PSD3: variants seen among roughly 807,000 people sequenced by gnomAD.
PSD3 encodes the protein pleckstrin and Sec7 domain containing 3, also known as PH and SEC7 domain-containing protein 3.
In PSD3, 49 loss-of-function variants were observed where a neutral mutation model predicts 105.5. The observed-to-expected ratio is 0.46, with a 90% CI of 0.37 to 0.59. The LOEUF (loss-of-function observed/expected upper bound fraction) is 0.59, where lower values mean the gene tolerates loss of function less well. Among genes scored for constraint, PSD3 ranks in the 20% least tolerant of loss-of-function variants. The pLI is 0.00. For missense variants in PSD3, 1,561 were observed against 1,263.8 expected (o/e 1.24, Z -3.57); for synonymous variants, 557 against 457.8 (o/e 1.22, Z -2.77).
Position 18,801,254 on chromosome 8 carries a change from A to AT in PSD3, c.2023+15dup. 6.9e-7 allele frequency: 1 copy of AT among 1,440,266 alleles called. No individual in the cohort carries two copies. The highest frequency in any genetic ancestry group is 1.2e-5 in the South Asian group (1 of 81,658). 89.2% of individuals were successfully genotyped at this position (1,440,266 alleles called of 1,614,324 possible). A position where few individuals can be genotyped will look rare whatever the true frequency, so the allele number is the denominator to read the frequency against. ...ATTGATATAAAAAAGAAATTCAAGG[A>AT]TTTGTATCAGATTACCTTGTGAAGC... is the stretch of plus-strand genomic sequence containing the variant. On this transcript the variant is annotated intron_variant, in intron 7 of 15. Transcript: ENST00000327040.
chr8:18,527,583 C>T lies in PSD3; in HGVS notation c.*8160G>A, dbSNP rs1036245881. 2 of 152,518 alleles carry T rather than the reference C, an allele frequency of 1.3e-5. No individual in the cohort carries two copies. The highest frequency in any genetic ancestry group is 6.6e-5 in the Admixed American group (1 of 15,262). 9.4% of individuals were successfully genotyped at this position (152,518 alleles called of 1,614,324 possible). ...TCTACAAGGTTTAGATTTACTTGAA[C>T]AACAGTGAAATAGGGTAATATTTAT... On this transcript the variant is annotated 3_prime_UTR_variant, in exon 16 of 16. Transcript: ENST00000327040.
chr8:18,593,277 G>C (rs1241993264), intron 12 of PSD3, among the ~76,000 whole-genome samples: 1 of 152,134 alleles, frequency 6.6e-6, no homozygotes, highest in Non-Finnish European at 1.5e-5. Flanking sequence ...AAATTTACAA[G>C]AAATAAACAA....
At position 18,808,848 on chromosome 8, in the gene PSD3, A is replaced by T; in HGVS notation, c.1635-3950T>A. 3 of 1,605,948 alleles carry T rather than the reference A, an allele frequency of 1.9e-6. No individual in the cohort carries two copies. In the East Asian group the frequency reaches 6.7e-5, roughly 36 times the overall value. On this transcript the variant is annotated intron_variant, in intron 4 of 15. Transcript: ENST00000327040. Reference sequence around the variant, plus strand: ...TCCGAAGCCCCGTCCAGTATTCTTCAGCTCCCAAGTTCAGTGACTGCCGAG... The same window carrying T: ...TCCGAAGCCCCGTCCAGTATTCTTCTGCTCCCAAGTTCAGTGACTGCCGAG...
In PSD3 at chr8:18,790,801, A is replaced by G. The variant is rs1292780028; in HGVS notation, c.2082+8494T>C. ...CTGCAGGGATGACGGCCTTGGGGCC[A>G]CTGTGTCTGGGAAGCTCCAAGTCAG... On this transcript the variant is annotated intron_variant, in intron 8 of 15. Coordinates refer to ENST00000327040, the MANE Select transcript of PSD3 (RefSeq NM_015310.4). 2.6e-5 allele frequency among the ~76,000 whole-genome samples: 4 copies of G among 151,912 alleles called. No individual in the cohort carries two copies. The East Asian group carries it at 5.8e-4, about 22-fold the overall frequency.
intron 2 of PSD3, among the ~76,000 whole-genome samples, chr8:18,893,803 C>A (rs923463348): frequency 1.3e-5 from 2 of 152,202 alleles, no homozygotes; most frequent in South Asian, 4.1e-4. Flanking sequence ...CACTGGCTCA[C>A]AGGCAACATG....
intron 1 of PSD3, among the ~76,000 whole-genome samples, chr8:19,006,069 C>T (rs1347839296): frequency 2.0e-5 from 3 of 151,528 alleles, no homozygotes; most frequent in East Asian, 3.9e-4. Context: ...CCGAGGCAGG[C>T]GAATCATGAC....
intron 2 of PSD3, among the ~76,000 whole-genome samples, chr8:18,903,309 T>C (rs1226076286): frequency 6.6e-6 from 1 of 152,032 alleles, no homozygotes; most frequent in African/African-American, 2.4e-5. Flanking sequence ...CACCTTGTGG[T>C]AGTGACTCTA....
intron 8 of PSD3, among the ~76,000 whole-genome samples, chr8:18,791,662 G>A (rs1432359682): frequency 6.6e-6 from 1 of 152,080 alleles, no homozygotes; most frequent in Non-Finnish European, 1.5e-5. Flanking sequence ...TCTGCACACA[G>A]ACATGGGCAA....
chr8:18,875,546 T>C (rs1817675769), intron 2 of PSD3, among the ~76,000 whole-genome samples: 2 of 152,074 alleles, frequency 1.3e-5, no homozygotes, highest in Non-Finnish European at 2.9e-5. Context: ...TAGAACTTTT[T>C]TTTTTTTTGA....
chr8:18,927,743 A>T (rs1821465200), intron 2 of PSD3, among the ~76,000 whole-genome samples: 1 of 152,176 alleles, frequency 6.6e-6, no homozygotes, highest in Non-Finnish European at 1.5e-5. Context: ...CCCGTCCTGA[A>T]GCTACCTAGG....
intron 2 of PSD3, among the ~76,000 whole-genome samples, chr8:18,935,417 T>G (rs1213725458): frequency 2.0e-5 from 3 of 151,756 alleles, no homozygotes; most frequent in African/African-American, 7.3e-5. Context: ...GGCTCACATC[T>G]GTAAACTCAG....
intron 1 of PSD3, among the ~76,000 whole-genome samples, chr8:19,029,044 T>A (rs1827666195): frequency 6.6e-6 from 1 of 152,214 alleles, no homozygotes; most frequent in South Asian, 2.1e-4. Context: ...CTTACAATAA[T>A]GCAAAGTCTT....
chr8:18,642,499 G>C (rs1412172332), intron 10 of PSD3, among the ~76,000 whole-genome samples: 16 of 151,982 alleles, frequency 1.1e-4, no homozygotes, highest in Non-Finnish European at 2.1e-4. Context: ...CTTAGCAATT[G>C]ATATAGAGGA....
At position 18,893,453 on chromosome 8, in the gene PSD3, G is replaced by A. The variant is rs117359865; in HGVS notation, c.131-20720C>T. ...TCGAGTTGATTTCCAGCTAGCCTTT[G>A]GTTAAATTAGGTTTGTAACTCTAAG... On this transcript the variant is annotated intron_variant, in intron 2 of 15. Coordinates refer to ENST00000327040, the MANE Select transcript of PSD3 (RefSeq NM_015310.4). Among the ~76,000 whole-genome samples the A allele has an allele frequency of 2.7e-4, 41 of 152,134 alleles. 1 individual carries two copies. In the East Asian group the frequency reaches 7.7e-3, roughly 29 times the overall value.
chr8:18,958,824 T>C (rs1823734485), intron 1 of PSD3, among the ~76,000 whole-genome samples: 1 of 152,184 alleles, frequency 6.6e-6, no homozygotes, highest in Non-Finnish European at 1.5e-5. Flanking sequence ...CTTAAAGCAC[T>C]ATTTTAAAAA....
chr8:18,578,837 T>C lies in PSD3; in HGVS notation c.2482-3552A>G, dbSNP rs148181169. ...GCACCATTATTTTAAAAGAGGACTC[T>C]ATTCCAAGGTAGTTTCCTAAACTCT... is the stretch of plus-strand genomic sequence containing the variant. On this transcript the variant is annotated intron_variant, in intron 12 of 15. Coordinates refer to ENST00000327040, the MANE Select transcript of PSD3 (RefSeq NM_015310.4). Among the ~76,000 whole-genome samples the C allele has an allele frequency of 2.8e-3, 430 of 152,166 alleles. 1 individual carries two copies. Among genetic ancestry groups the C allele is most frequent in the African/African-American group, 9.7e-3 (405 of 41,546 alleles).
chr8:18,817,472 T>A (rs1479108489), intron 4 of PSD3, among the ~76,000 whole-genome samples: 1 of 152,206 alleles, frequency 6.6e-6, no homozygotes, highest in Non-Finnish European at 1.5e-5. Context: ...TGAATCCTTA[T>A]CTTAATGAAA....
rs575914684 is a variant in PSD3, at chr8:19,057,223, T to G, written c.324+26983A>C. ...CTCTACTCTTGTTCATAATCAAATT[T>G]GAACAAGAAATTTCTCTACTCTTGT... On this transcript the variant is annotated intron_variant, in intron 1 of 1. Transcript: ENST00000521475. Among the ~76,000 whole-genome samples, 5 of 152,294 alleles carry G rather than the reference T, an allele frequency of 3.3e-5. No individual in the cohort carries two copies. In the East Asian group the frequency reaches 9.7e-4, roughly 29 times the overall value.
chr8:18,631,719 G>T (rs79085016), intron 11 of PSD3, among the ~76,000 whole-genome samples: 1 of 151,880 alleles, frequency 6.6e-6, no homozygotes, highest in African/African-American at 2.4e-5. Flanking sequence ...CACTCTTAAA[G>T]AACTTGGGAA....
Sources: gnomAD v4.1 joint callset for allele counts (sites outside exome capture counted in the v4.1 genomes callset) on GRCh38, gnomAD v4.1.1 for gene constraint, MANE v1.5 for transcripts, NCBI Gene and HGNC (gene_info 2026-07-23, HGNC 2026-07-21) for gene names.